Variants in CREB5 observed in about 807,000 individuals in gnomAD.
The protein encoded by CREB5 is cAMP responsive element binding protein 5.
In CREB5, 19 loss-of-function variants were observed where a neutral mutation model predicts 57.1. The ratio of observed to expected loss-of-function variants is 0.33; its 90% confidence interval spans 0.23 to 0.49. The LOEUF (loss-of-function observed/expected upper bound fraction) is 0.49. CREB5 is among the 20% of genes least tolerant of loss of function. The pLI, the probability that CREB5 is intolerant of heterozygous loss-of-function variation, is 0.99. For synonymous variants in CREB5, 238 were observed against 238.3 expected (o/e 1.00, Z 0.01); for missense variants, 579 against 671.6 (o/e 0.86, Z 1.52).
At chr7:28,698,654 G>T (rs1801694642) in intron 5 of CREB5, among the ~76,000 whole-genome samples, 1 of 152,180 alleles carries the variant, frequency 6.6e-6, no homozygotes, top group South Asian at 2.1e-4. Context: ...AGATTGGAGA[G>T]AACTATTCAT....
intron 5 of CREB5, among the ~76,000 whole-genome samples, chr7:28,668,212 C>T (rs1015147655): frequency 6.6e-6 from 1 of 152,110 alleles, no homozygotes; most frequent in Non-Finnish European, 1.5e-5. Flanking sequence ...TCACTTTATG[C>T]TGTTCAGTTT....
intron 7 of CREB5, among the ~76,000 whole-genome samples, chr7:28,763,493 T>C (rs1805779102): frequency 6.6e-6 from 1 of 152,192 alleles, no homozygotes; most frequent in Admixed American, 6.5e-5. Context: ...AAGGTCCCCA[T>C]GCAGTTAAAT....
At chr7:28,590,675 A>T (rs936376741) in intron 5 of CREB5, among the ~76,000 whole-genome samples, 6 of 46,436 alleles carry the variant, frequency 1.3e-4, no homozygotes, top group African/African-American at 1.2e-3. Flanking sequence ...CTTAAAGTAT[A>T]ATAATAATAA....
At chr7:28,702,887 A>C (rs542979701) in intron 5 of CREB5, among the ~76,000 whole-genome samples, 143 of 152,346 alleles carry the variant, frequency 9.4e-4, no homozygotes, top group South Asian at 1.4e-3. Context: ...AGCAGACGGC[A>C]AAACCTTCCA....
chr7:28,348,279 G>A (rs547539846), intron 1 of CREB5, among the ~76,000 whole-genome samples: 3 of 152,016 alleles, frequency 2.0e-5, no homozygotes, highest in East Asian at 1.9e-4. Context: ...GCATCTCATC[G>A]CTGGCACATT....
At chr7:28,722,503 A>G (rs1803093072) in intron 6 of CREB5, among the ~76,000 whole-genome samples, 1 of 152,248 alleles carries the variant, frequency 6.6e-6, no homozygotes, top group East Asian at 1.9e-4. Flanking sequence ...ATTACAGTGC[A>G]TGAATGTACT....
chr7:28,708,668 C>G (rs541640950), intron 5 of CREB5, among the ~76,000 whole-genome samples: 1 of 152,154 alleles, frequency 6.6e-6, no homozygotes, highest in African/African-American at 2.4e-5. Flanking sequence ...CTGCAAAATT[C>G]CGTCATCTAT....
Position 28,720,238 on chromosome 7 carries a change from T to A in CREB5, c.591+1359T>A, listed in dbSNP as rs149154869. On this transcript the variant is annotated intron_variant, in intron 6 of 10. Coordinates refer to ENST00000357727, the MANE Select transcript of CREB5 (RefSeq NM_182898.4). ...GAGTTCTCAGAAGCCCTAGAGGCAG[T>A]GTAACAACTCAATGAAAACCCTCCC... Among the ~76,000 whole-genome samples, 818 of 152,340 alleles carry A rather than the reference T, an allele frequency of 5.4e-3. 7 individuals carry two copies. Among genetic ancestry groups the A allele is most frequent in the African/African-American group, 0.018 (760 of 41,578 alleles).
chr7:28,393,252 A>G (rs942914346), intron 1 of CREB5, among the ~76,000 whole-genome samples: 1 of 152,166 alleles, frequency 6.6e-6, no homozygotes, highest in African/African-American at 2.4e-5. Flanking sequence ...AAGTCAAGAA[A>G]TTTCAAATAT....
At chr7:28,681,051 C>T (rs755269161) in intron 5 of CREB5, among the ~76,000 whole-genome samples, 6 of 152,272 alleles carry the variant, frequency 3.9e-5, no homozygotes, top group Middle Eastern at 3.4e-3. Context: ...CTCTGACATC[C>T]ACCACAGAGT....
chr7:28,490,824 C>CTTTT (rs779546751), intron 2 of CREB5, among the ~76,000 whole-genome samples: 4 of 152,250 alleles, frequency 2.6e-5, no homozygotes, highest in Non-Finnish European at 4.4e-5. Context: ...TCTTTTCGAT[C>CTTTT]CCTTGTCTTT....
At chr7:28,569,508 C>T (rs537262647) in intron 4 of CREB5, among the ~76,000 whole-genome samples, 1 of 152,126 alleles carries the variant, frequency 6.6e-6, no homozygotes, top group African/African-American at 2.4e-5. Flanking sequence ...CATTTGAAGG[C>T]ATCAGAAATA....
At chr7:28,814,625 T>C (rs935643722) in intron 9 of CREB5, among the ~76,000 whole-genome samples, 6 of 152,184 alleles carry the variant, frequency 3.9e-5, no homozygotes, top group African/African-American at 1.4e-4. Flanking sequence ...TAATTTGCTT[T>C]CTCAATAGAA....
In CREB5 at chr7:28,477,209, G is replaced by T. The variant is rs148273678; in HGVS notation, c.4-10966G>T. Among the ~76,000 whole-genome samples, 332 of 152,344 alleles carry T rather than the reference G, an allele frequency of 2.2e-3. 3 individuals are homozygous for T. Among genetic ancestry groups the T allele is most frequent in the African/African-American group, 7.7e-3 (320 of 41,578 alleles). On this transcript the variant is annotated intron_variant, in intron 1 of 10. Transcript: ENST00000357727. Reference sequence around the variant, plus strand: ...CAGGCCACTTTCCCTGAAGCAGTTTGTGAACAATACCCCATCAAGGGCAGC... The same window carrying T: ...CAGGCCACTTTCCCTGAAGCAGTTTTTGAACAATACCCCATCAAGGGCAGC...
chr7:28,813,032 T>A (rs1390447418), intron 9 of CREB5, among the ~76,000 whole-genome samples: 1 of 152,040 alleles, frequency 6.6e-6, no homozygotes, highest in Non-Finnish European at 1.5e-5. Flanking sequence ...TCACAACACA[T>A]CTCTGCCCAA....
chr7:28,388,586 T>C (rs1401904979), intron 1 of CREB5, among the ~76,000 whole-genome samples: 1 of 152,214 alleles, frequency 6.6e-6, no homozygotes, highest in Non-Finnish European at 1.5e-5. Flanking sequence ...CCAGCATTTC[T>C]AGGTACCTAG....
At chr7:28,642,024 G>A (rs1359276969) in intron 5 of CREB5, among the ~76,000 whole-genome samples, 1 of 152,210 alleles carries the variant, frequency 6.6e-6, no homozygotes, top group African/African-American at 2.4e-5. Flanking sequence ...AAATTAACAA[G>A]ATCTCCCACA....
chr7:28,580,488 G>A (rs900749660), intron 5 of CREB5, among the ~76,000 whole-genome samples: 4 of 135,662 alleles, frequency 2.9e-5, no homozygotes, highest in South Asian at 2.5e-4. Flanking sequence ...CTTATTTAAC[G>A]CAGCTCTGTA....
rs748936901 is a variant in CREB5, at chr7:28,819,309, G to C, written c.*30G>C. 2 of 1,604,722 alleles carry C rather than the reference G, an allele frequency of 1.2e-6. No individual in the cohort carries two copies. Among genetic ancestry groups the C allele is most frequent in the East Asian group, 4.5e-5 (2 of 44,848 alleles). On this transcript the variant is annotated 3_prime_UTR_variant, in exon 11 of 11. Coordinates refer to ENST00000357727, the MANE Select transcript of CREB5 (RefSeq NM_182898.4). ...CACCATCAGACCTGGCCTCCAAGAA[G>C]AGCTGTAGCGTACCATGCGTCCTTT...
Sources: allele counts gnomAD v4.1 joint callset (sites outside exome capture counted in the v4.1 genomes callset), GRCh38; gene constraint gnomAD v4.1.1; transcripts MANE v1.5; gene names NCBI Gene and HGNC (gene_info 2026-07-23, HGNC 2026-07-21).